The following ANK3 variants were observed in gnomAD, a reference collection of about 807,000 sequenced individuals.
The protein encoded by ANK3 is ankyrin 3.
Under a neutral mutation model 370.9 loss-of-function variants are expected in ANK3, and 57 were observed. That is an observed-to-expected ratio of 0.15 (90% CI 0.12 to 0.19). The LOEUF (loss-of-function observed/expected upper bound fraction) is 0.19. Ranked by LOEUF, ANK3 falls within the 10% of genes least tolerant of loss-of-function variation. ANK3 has a pLI of 1.00. For missense variants in ANK3, 4,439 were observed against 5,302.1 expected (o/e 0.84, Z 5.06); for synonymous variants, 1,929 against 1,946.3 (o/e 0.99, Z 0.23).
Position 60,250,660 on chromosome 10 carries a change from C to T in ANK3, c.798+11199G>A, listed in dbSNP as rs575138563. 4.6e-5 allele frequency among the ~76,000 whole-genome samples: 7 copies of T among 152,274 alleles called. No homozygotes were observed. In the East Asian group the frequency reaches 7.7e-4, roughly 17 times the overall value. On this transcript the variant is annotated intron_variant, in intron 7 of 43. Coordinates refer to ENST00000280772, the MANE Select transcript of ANK3 (RefSeq NM_020987.5). The stretch of plus-strand genomic sequence containing the variant: ...GATTACGGGCATGAGCCACCGCACC[C>T]GGCCTGCTTTTATATTTTAAACTAA...
At chr10:60,240,882 T>G (rs2097445661) in intron 7 of ANK3, among the ~76,000 whole-genome samples, 1 of 152,234 alleles carries the variant, frequency 6.6e-6, no homozygotes, top group Non-Finnish European at 1.5e-5. Flanking sequence ...TGAGCCACCA[T>G]GCCTGGTGAG....
chr10:60,452,455 C>G (rs2064632803), intron 2 of ANK3, among the ~76,000 whole-genome samples: 1 of 152,194 alleles, frequency 6.6e-6, no homozygotes. Context: ...TGGCCATACC[C>G]TTTTAGTATT....
At chr10:60,166,731 C>T in intron 22 of ANK3, 78 bp from the exon 23 acceptor site, 1 of 1,585,930 alleles carries the variant, frequency 6.3e-7, no homozygotes, top group Non-Finnish European at 8.7e-7. Context: ...TTCAATATTC[C>T]TGATAAACAT....
chr10:60,729,003 G>T (rs974265686), intron 1 of ANK3, among the ~76,000 whole-genome samples: 1 of 152,062 alleles, frequency 6.6e-6, no homozygotes, highest in Non-Finnish European at 1.5e-5. Flanking sequence ...CTCTATCTTG[G>T]ATTATATACT....
intron 5 of ANK3, among the ~76,000 whole-genome samples, chr10:60,269,670 C>CCCCCCCCCAAAA (rs1227821064): frequency 7.3e-6 from 1 of 136,120 alleles, no homozygotes; most frequent in Non-Finnish European, 1.5e-5. Context: ...AAAAAAGTAC[C>CCCCCCCCCAAAA]ATAGTTTTAT....
At chr10:60,553,049 T>C (rs1229284585) in intron 2 of ANK3, among the ~76,000 whole-genome samples, 5 of 152,308 alleles carry the variant, frequency 3.3e-5, no homozygotes, top group African/African-American at 1.2e-4. Context: ...TTTTGAAAAT[T>C]GCCTAGTCTC....
chr10:60,706,871 T>C (rs1329825305), intron 1 of ANK3, among the ~76,000 whole-genome samples: 3 of 152,182 alleles, frequency 2.0e-5, no homozygotes, highest in Non-Finnish European at 2.9e-5. Context: ...GCACAGTAAG[T>C]TCAGGTCTGT....
chr10:60,159,455 C>A (rs184968195), intron 23 of ANK3, among the ~76,000 whole-genome samples: 2 of 152,094 alleles, frequency 1.3e-5, no homozygotes, highest in African/African-American at 4.8e-5. Context: ...GAGAGATAGA[C>A]CCCAATACAA....
At chr10:60,693,660 G>C (rs2079394401) in intron 1 of ANK3, among the ~76,000 whole-genome samples, 1 of 152,166 alleles carries the variant, frequency 6.6e-6, no homozygotes, top group Non-Finnish European at 1.5e-5. Flanking sequence ...CACACAGCCA[G>C]GTACTCCAAC....
chr10:60,651,133 G>A (rs756803698), intron 1 of ANK3, among the ~76,000 whole-genome samples: 1 of 152,130 alleles, frequency 6.6e-6, no homozygotes, highest in Non-Finnish European at 1.5e-5. Context: ...ATGTGTGTGT[G>A]TTTATGTATA....
At chr10:60,237,477 C>T (rs1054821865) in intron 7 of ANK3, among the ~76,000 whole-genome samples, 2 of 152,168 alleles carry the variant, frequency 1.3e-5, no homozygotes, top group Non-Finnish European at 2.9e-5. Context: ...TTATCACAAA[C>T]AGGCTAAGTT....
At chr10:60,616,958 A>G (rs1035029468) in intron 1 of ANK3, among the ~76,000 whole-genome samples, 5 of 152,098 alleles carry the variant, frequency 3.3e-5, no homozygotes, top group Non-Finnish European at 7.4e-5. Context: ...AATTTTTACA[A>G]TCTATTGCAG....
At chr10:60,146,771 C>T (rs60275965) in intron 23 of ANK3, among the ~76,000 whole-genome samples, 2,944 of 152,244 alleles carry the variant, frequency 0.019, 81 homozygotes, top group East Asian at 0.074. Context: ...TGAGCCACTG[C>T]GCCCGGCAAA....
intron 1 of ANK3, among the ~76,000 whole-genome samples, chr10:60,347,901 TAAA>T (rs2055984579): frequency 6.6e-6 from 1 of 152,102 alleles, no homozygotes; most frequent in Admixed American, 6.5e-5. Flanking sequence ...AAACTCTCAA[TAAA>T]GTGTGCCTGT....
chr10:60,485,434 A>T (rs1328823139), intron 2 of ANK3, among the ~76,000 whole-genome samples: 3 of 152,246 alleles, frequency 2.0e-5, no homozygotes, highest in Non-Finnish European at 2.9e-5. Flanking sequence ...TGTTACAGTC[A>T]TGTGGAAGGG....
At chr10:60,419,105 CTGTT>C (rs1048294319) in intron 2 of ANK3, among the ~76,000 whole-genome samples, 23 of 152,096 alleles carry the variant, frequency 1.5e-4, no homozygotes, top group African/African-American at 5.5e-4. Flanking sequence ...GAATATAAAC[CTGTT>C]TGTTTTTAAA....
chr10:60,546,080 G>C (rs1033504025), intron 2 of ANK3, among the ~76,000 whole-genome samples: 13 of 152,166 alleles, frequency 8.5e-5, no homozygotes, highest in Non-Finnish European at 1.9e-4. Context: ...CTGTCACCCA[G>C]GCTGGAGGGC....
intron 1 of ANK3, among the ~76,000 whole-genome samples, chr10:60,313,905 G>T (rs2046871894): frequency 6.7e-6 from 1 of 149,040 alleles, no homozygotes; most frequent in African/African-American, 2.5e-5. Flanking sequence ...CATTACCCTT[G>T]TCCCTGCCTC....
In ANK3 at chr10:60,346,839, T is replaced by C. The variant is rs2055631866; in HGVS notation, c.114+42586A>G. ...TCTGGAAAACACTGGTGGCTTGAATTATTTACAGAGAATGGGTGTTCTGAG... is the reference window on the plus strand; with the variant it reads ...TCTGGAAAACACTGGTGGCTTGAATCATTTACAGAGAATGGGTGTTCTGAG... On this transcript the variant is annotated intron_variant, in intron 1 of 43. Transcript: ENST00000280772. 3.9e-5 allele frequency among the ~76,000 whole-genome samples: 6 copies of C among 152,144 alleles called. No homozygotes were observed. In the South Asian group the frequency reaches 1.0e-3, roughly 26 times the overall value.
Sources: gnomAD v4.1 joint callset for allele counts (sites outside exome capture counted in the v4.1 genomes callset) on GRCh38, gnomAD v4.1.1 for gene constraint, MANE v1.5 for transcripts, NCBI Gene and HGNC (gene_info 2026-07-23, HGNC 2026-07-21) for gene names.